Variants in USP32 observed in about 807,000 individuals in gnomAD.
USP32 encodes ubiquitin specific peptidase 32, also known as ubiquitin carboxyl-terminal hydrolase 32.
In USP32, 59 loss-of-function variants were observed where a neutral mutation model predicts 204.8. The observed-to-expected ratio is 0.29, with a 90% CI of 0.23 to 0.36. USP32 has a LOEUF of 0.36. Among genes scored for constraint, USP32 ranks in the 10% least tolerant of loss-of-function variants. USP32 has a pLI of 1.00. For synonymous variants in USP32, 517 were observed against 678.4 expected, an observed-to-expected ratio of 0.76 and a Z score of 3.70; for missense variants, 1,160 against 1,946.4, an observed-to-expected ratio of 0.60 and a Z score of 7.60.
chr17:60,258,584 G>A (rs1567808835), intron 9 of USP32, among the ~76,000 whole-genome samples: 1 of 152,176 alleles, frequency 6.6e-6, no homozygotes, highest in African/African-American at 2.4e-5. Context: ...GAATTGTAGG[G>A]TGTTGTATAC....
intron 12 of USP32, among the ~76,000 whole-genome samples, chr17:60,235,720 T>C (rs1425578707): frequency 1.3e-5 from 2 of 152,216 alleles, no homozygotes; most frequent in Non-Finnish European, 2.9e-5. Context: ...GAATATAAGC[T>C]TTAAAGTCAG....
In USP32 at chr17:60,344,172, G is replaced by A. The variant is rs1475423976; in HGVS notation, c.186+1309C>T. On this transcript the variant is annotated intron_variant, in intron 2 of 33. Coordinates refer to ENST00000300896, the MANE Select transcript of USP32 (RefSeq NM_032582.4). ...GAGTCAGAGTCTCATTCTGTTGCCC[G>A]GGCTGGAGTGCAGTGGCACAGTCTC... Among the ~76,000 whole-genome samples, 76 of 136,018 alleles carry A rather than the reference G, an allele frequency of 5.6e-4. 1 individual carries two copies. Among genetic ancestry groups the A allele is most frequent in the African/African-American group, 2.2e-3 (73 of 33,564 alleles). 89.2% of individuals were successfully genotyped at this position (136,018 alleles called of 152,430 possible).
In USP32 at chr17:60,181,647, G is replaced by A; in HGVS notation, c.4225C>T (p.Leu1409Phe). 6.2e-7 allele frequency: 1 copy of A among 1,613,748 alleles called. No homozygotes were observed. Among genetic ancestry groups the A allele is most frequent in the African/African-American group, 1.3e-5 (1 of 75,056 alleles). ...PRTLGRSKGR[L>F]RLPQIGSKNK... ...TTGCTGCCAATCTGGGGCAGCCGGA[G>A]CCTCCCTTTGCTCCTCCCCAAAGTC... The change falls in exon 32 of 34, where the codon CTC becomes TTC. Residue 1409 changes from leucine (L) to phenylalanine (F), a missense_variant. Leu to Phe is a conservative substitution (Grantham distance 22, BLOSUM62 0). Coordinates refer to ENST00000300896, the MANE Select transcript of USP32 (RefSeq NM_032582.4).
chr17:60,201,937 G>A (rs1215261095), intron 26 of USP32, among the ~76,000 whole-genome samples: 1 of 152,150 alleles, frequency 6.6e-6, no homozygotes, highest in Non-Finnish European at 1.5e-5. Context: ...GATTATAGGC[G>A]TGAGCCACCG....
intron 1 of USP32, among the ~76,000 whole-genome samples, chr17:60,387,349 AC>A (rs887645973): frequency 1.3e-5 from 2 of 152,216 alleles, no homozygotes; most frequent in African/African-American, 4.8e-5. Context: ...ACTAGCAAAC[AC>A]AACTACCTAT....
chr17:60,209,652 C>T (rs2084909777), intron 21 of USP32, 109 bp from the exon 22 acceptor site: 2 of 644,270 alleles, frequency 3.1e-6, no homozygotes, highest in South Asian at 6.7e-5. Context: ...TAGTATAGTA[C>T]TTAGTCTGCC....
At chr17:60,209,187 AT>A (rs1030284163) in intron 22 of USP32, among the ~76,000 whole-genome samples, 182 bp downstream of exon 22, 1 of 152,206 alleles carries the variant, frequency 6.6e-6, no homozygotes, top group African/African-American at 2.4e-5. Flanking sequence ...TTCTATTTTC[AT>A]TAAACGTATT....
intron 1 of USP32, among the ~76,000 whole-genome samples, chr17:60,413,876 GAAAAAAAA>G (rs753405307): frequency 0.054 from 5,107 of 95,194 alleles, 120 homozygotes; most frequent in Non-Finnish European, 0.076. Flanking sequence ...AAAAAAAAAA[GAAAAAAAA>G]AAAAAAAAAA....
chr17:60,259,754 C>T (rs899062499), intron 9 of USP32, among the ~76,000 whole-genome samples: 1 of 152,166 alleles, frequency 6.6e-6, no homozygotes, highest in African/African-American at 2.4e-5. Context: ...TAACCCATCA[C>T]CACTATGACT....
intron 9 of USP32, among the ~76,000 whole-genome samples, chr17:60,256,359 TTTC>T (rs2086304629): frequency 6.6e-6 from 1 of 152,180 alleles, no homozygotes; most frequent in African/African-American, 2.4e-5. Context: ...TCACAGAATC[TTTC>T]TTATCATGAT....
In USP32 at chr17:60,413,442, T is replaced by C. The variant is rs576181359; in HGVS notation, c.106+8804A>G. Among the ~76,000 whole-genome samples the C allele has an allele frequency of 2.0e-5, 3 of 152,228 alleles. No homozygotes were observed. The South Asian group carries it at 6.2e-4, about 32-fold the overall frequency. On this transcript the variant is annotated intron_variant, in intron 1 of 3. Coordinates refer to the USP32 transcript ENST00000588898. ...GAGACAGATGTGCTAGGCTAAGTCA[T>C]AAACCAGTACAGGGAGGCTATATAT...
chr17:60,187,566 ATT>A (rs1252763399), intron 29 of USP32, among the ~76,000 whole-genome samples: 1 of 152,226 alleles, frequency 6.6e-6, no homozygotes, highest in East Asian at 1.9e-4. Flanking sequence ...TATTATCTCT[ATT>A]ATCTCTACCA....
At chr17:60,353,177 T>C (rs910357686) in intron 1 of USP32, among the ~76,000 whole-genome samples, 3 of 152,070 alleles carry the variant, frequency 2.0e-5, no homozygotes, top group African/African-American at 2.4e-5. Flanking sequence ...TTAGTGTTCA[T>C]AGAAGAAGAG....
chr17:60,273,908 C>T (rs237960), intron 5 of USP32, among the ~76,000 whole-genome samples: 18,552 of 145,314 alleles, frequency 0.13, 2,438 homozygotes, highest in African/African-American at 0.34. Context: ...TGCAGTGAGC[C>T]GAGATTGCGC....
At chr17:60,407,781 CAAAAAAA>C (rs750848462) in intron 1 of USP32, among the ~76,000 whole-genome samples, 1 of 35,946 alleles carries the variant, frequency 2.8e-5, no homozygotes, top group Middle Eastern at 0.028. Flanking sequence ...GCCTCTGTCT[CAAAAAAA>C]AAAAAAAAAA....
intron 1 of USP32, among the ~76,000 whole-genome samples, chr17:60,410,818 C>A (rs953904017): frequency 2.0e-5 from 3 of 151,388 alleles, no homozygotes; most frequent in Non-Finnish European, 4.4e-5. Flanking sequence ...CGGTGGCTCA[C>A]GCCTATAATC....
At chr17:60,348,290 G>A (rs2088838359) in intron 1 of USP32, among the ~76,000 whole-genome samples, 1 of 152,100 alleles carries the variant, frequency 6.6e-6, no homozygotes, top group Non-Finnish European at 1.5e-5. Context: ...CCATGAGGAA[G>A]AAGCATAATG....
At chr17:60,334,582 C>T (rs763661519) in intron 2 of USP32, among the ~76,000 whole-genome samples, 12 of 147,066 alleles carry the variant, frequency 8.2e-5, no homozygotes, top group Non-Finnish European at 1.6e-4. Context: ...GTCCCAGCTA[C>T]TTGGGAGGCT....
chr17:60,391,806 C>T (rs1292946659), intron 1 of USP32, 76 bp downstream of exon 1: 13 of 1,535,270 alleles, frequency 8.5e-6, no homozygotes, highest in Admixed American at 1.8e-5. Flanking sequence ...TCTCCCCTCT[C>T]CCTCCCGGTT....
Sources: gnomAD v4.1 joint callset for allele counts (sites outside exome capture counted in the v4.1 genomes callset) on GRCh38, gnomAD v4.1.1 for gene constraint, MANE v1.5 for transcripts, NCBI Gene and HGNC (gene_info 2026-07-23, HGNC 2026-07-21) for gene names.